The following ITGA2 variants were observed in gnomAD, a reference collection of about 807,000 sequenced individuals.
The protein encoded by ITGA2 is integrin alpha-2.
A neutral mutation model predicts 146.3 loss-of-function variants in ITGA2; 101 were observed. The observed-to-expected ratio is 0.69, with a 90% confidence interval of 0.59 to 0.81. The LOEUF (loss-of-function observed/expected upper bound fraction) is 0.81, where lower values mean the gene tolerates loss of function less well. Among genes scored for constraint, ITGA2 ranks in the 40% least tolerant of loss-of-function variants. The pLI, the probability that ITGA2 is intolerant of heterozygous loss-of-function variation, is 0.00. For missense variants in ITGA2, 1,281 were observed against 1,402.7 expected, an observed-to-expected ratio of 0.91 and a Z score of 1.39; for synonymous variants, 477 against 487.1, an observed-to-expected ratio of 0.98 and a Z score of 0.27.
Position 53,081,645 on chromosome 5 carries a change from A to T in ITGA2, c.3093A>T (p.Thr1031=). 6.2e-7 allele frequency: 1 copy of T among 1,613,360 alleles called. No individual in the cohort carries two copies. Among genetic ancestry groups the T allele is most frequent in the Non-Finnish European group, 8.5e-7 (1 of 1,179,690 alleles). Residue 1031 remains threonine, a synonymous_variant, in exon 26 of 30, where the codon ACA becomes ACT. Coordinates refer to ENST00000296585, the MANE Select transcript of ITGA2 (RefSeq NM_002203.4). ...ADINPLKIGQ[T]SSSVSFKSEN... is the part of the protein sequence containing the mutation. The stretch of plus-strand genomic sequence containing the variant: ...TCAATCCACTGAAAATAGGACAAAC[A>T]TCTTCTTCTGTATCTTTCAAAAGTG...
chr5:53,054,867 C>A (rs1270958936), intron 7 of ITGA2, among the ~76,000 whole-genome samples: 1 of 151,974 alleles, frequency 6.6e-6, no homozygotes, highest in African/African-American at 2.4e-5. Flanking sequence ...GCAAATCTCA[C>A]AAACCACCAC....
chr5:53,035,268 T>C (rs1259958659), intron 2 of ITGA2, among the ~76,000 whole-genome samples: 1 of 152,220 alleles, frequency 6.6e-6, no homozygotes, highest in Non-Finnish European at 1.5e-5. Context: ...GGTTAGTATT[T>C]TAGCTTTTGA....
At chr5:53,081,997 C>G (rs2112027726) in intron 26 of ITGA2, among the ~76,000 whole-genome samples, 1 of 152,254 alleles carries the variant, frequency 6.6e-6, no homozygotes, top group East Asian at 1.9e-4. Flanking sequence ...TCATGTGAAG[C>G]TATTGTGTTT....
Position 53,060,976 on chromosome 5 carries a change from G to T in ITGA2, c.1388G>T (p.Gly463Val), listed in dbSNP as rs770908418. 1 of 1,612,362 alleles carries T rather than the reference G, an allele frequency of 6.2e-7. No homozygotes were observed. Among genetic ancestry groups the T allele is most frequent in the Non-Finnish European group, 8.5e-7 (1 of 1,178,868 alleles). ...VAGAPRANYT[G>V]QIVLYSVNEN... ...GGTGCTCCTCGGGCAAATTATACCG[G>T]CCAGATAGTGCTATATAGTGTGAAT... is the stretch of plus-strand genomic sequence containing the variant. The change falls in exon 12 of 30, where the codon GGC becomes GTC. Residue 463 changes from glycine (G) to valine (V), a missense_variant. Around this residue, in one of 3 missense-constraint regions of ITGA2, gnomAD observed 795 missense variants for 841.7 expected, o/e 0.94. Coordinates refer to ENST00000296585, the MANE Select transcript of ITGA2 (RefSeq NM_002203.4).
chr5:53,052,436 T>A (rs1014022282), intron 7 of ITGA2, among the ~76,000 whole-genome samples: 2 of 152,140 alleles, frequency 1.3e-5, no homozygotes, highest in Non-Finnish European at 2.9e-5. Context: ...TTCACAAAAA[T>A]GCTAAACACA....
chr5:53,041,877 T>G (rs1743813394), intron 2 of ITGA2, among the ~76,000 whole-genome samples: 1 of 152,172 alleles, frequency 6.6e-6, no homozygotes. Context: ...ATATTTCTAT[T>G]GGACAGCATT....
chr5:53,089,898 C>T (rs753329755), intron 28 of ITGA2, 48 bp from the exon 29 acceptor site: 3 of 1,090,448 alleles, frequency 2.8e-6, no homozygotes, highest in Admixed American at 3.4e-5. Context: ...CCATCTCCCC[C>T]CTTTTTTGTG....
At chr5:53,026,990 T>G (rs550338117) in intron 2 of ITGA2, 122 bp downstream of exon 2, 1 of 792,094 alleles carries the variant, frequency 1.3e-6, no homozygotes, top group Non-Finnish European at 2.1e-6. Context: ...TCAAATATCC[T>G]TAAATGAACA....
At chr5:53,042,035 T>C in intron 2 of ITGA2, 77 bp from the exon 3 acceptor site, 2 of 896,216 alleles carry the variant, frequency 2.2e-6, no homozygotes, top group Non-Finnish European at 3.8e-6. Context: ...AATGTGTTTT[T>C]CACTGTTTGT....
At chr5:53,075,330 T>C (rs1446178070) in intron 23 of ITGA2, 26 bp downstream of exon 23, 3 of 1,567,430 alleles carry the variant, frequency 1.9e-6, no homozygotes. Context: ...GGTAACCTGC[T>C]ATCACTGACA....
At chr5:53,057,002 C>T (rs564978409) in intron 9 of ITGA2, among the ~76,000 whole-genome samples, 1 of 151,970 alleles carries the variant, frequency 6.6e-6, no homozygotes, top group Non-Finnish European at 1.5e-5. Flanking sequence ...TTTGATTATC[C>T]ATTGGAATTA....
intron 13 of ITGA2, among the ~76,000 whole-genome samples, chr5:53,063,543 G>A (rs1011297757): frequency 6.6e-6 from 1 of 151,776 alleles, no homozygotes; most frequent in East Asian, 1.9e-4. Flanking sequence ...GTATATAAGT[G>A]TAGTGAACTC....
intron 1 of ITGA2, among the ~76,000 whole-genome samples, chr5:52,991,778 C>G (rs1218610392): frequency 2.0e-5 from 3 of 152,138 alleles, no homozygotes; most frequent in African/African-American, 7.2e-5. Context: ...AAAATGTACT[C>G]ATAGTTTAGT....
At chr5:53,042,506 A>G (rs1743853731) in intron 3 of ITGA2, among the ~76,000 whole-genome samples, 1 of 152,150 alleles carries the variant, frequency 6.6e-6, no homozygotes. Flanking sequence ...TTGCAGAATC[A>G]AGGCTATCCT....
At chr5:53,059,811 C>A in intron 10 of ITGA2, 63 bp from the exon 11 acceptor site, 1 of 1,466,922 alleles carries the variant, frequency 6.8e-7, no homozygotes, top group Non-Finnish European at 9.5e-7. Context: ...GTTTTGCCTA[C>A]CCTGCATTCT....
In ITGA2 at chr5:53,065,864, C is replaced by A. The variant is rs1409898431; in HGVS notation, c.1830C>A (p.Ala610=). 2.5e-6 allele frequency: 4 copies of A among 1,611,794 alleles called. No homozygotes were observed. The highest frequency in any genetic ancestry group is 3.4e-6 in the Non-Finnish European group (4 of 1,178,686). The change falls in exon 15 of 30, where the codon GCC becomes GCA. Residue 610 remains alanine, a synonymous_variant. Coordinates refer to ENST00000296585, the MANE Select transcript of ITGA2 (RefSeq NM_002203.4). ...YSQKILGSDG[A]FRSHLQYFGR... is the part of the protein sequence containing the mutation. ...AGAAAATCTTGGGATCCGATGGAGCCTTTAGGAGCCATCTCCAGTACTTTG... is the reference window on the plus strand; with the variant it reads ...AGAAAATCTTGGGATCCGATGGAGCATTTAGGAGCCATCTCCAGTACTTTG...
intron 6 of ITGA2, among the ~76,000 whole-genome samples, chr5:53,050,076 G>A (rs1413479727): frequency 6.6e-6 from 1 of 152,116 alleles, no homozygotes; most frequent in Non-Finnish European, 1.5e-5. Flanking sequence ...TTTCCAGAAA[G>A]CACCACTCTT....
chr5:52,999,721 A>C (rs1025286664), intron 1 of ITGA2, among the ~76,000 whole-genome samples: 2 of 152,204 alleles, frequency 1.3e-5, no homozygotes, highest in South Asian at 4.1e-4. Context: ...CATTCTTCAA[A>C]GATGCTCACT....
chr5:52,999,330 A>G (rs1336005030), intron 1 of ITGA2, among the ~76,000 whole-genome samples: 1 of 152,216 alleles, frequency 6.6e-6, no homozygotes, highest in Non-Finnish European at 1.5e-5. Flanking sequence ...TAAAACTTTT[A>G]TTTATTGTAA....
Sources: allele counts gnomAD v4.1 joint callset (sites outside exome capture counted in the v4.1 genomes callset), GRCh38; gene constraint gnomAD v4.1.1; regional missense constraint gnomAD v4.1.1; transcripts MANE v1.5; gene names NCBI Gene and HGNC (gene_info 2026-07-23, HGNC 2026-07-21).